Variants in PDGFD observed in about 807,000 individuals in gnomAD.
The protein encoded by PDGFD is platelet derived growth factor D, also known as platelet-derived growth factor D.
A neutral mutation model predicts 44.7 loss-of-function variants in PDGFD; 30 were observed. That is an observed-to-expected ratio of 0.67 (90% CI 0.50 to 0.91). PDGFD has a LOEUF of 0.91. Ranked by LOEUF, PDGFD falls within the 40% of genes least tolerant of loss-of-function variation. PDGFD has a pLI of 0.00. For synonymous variants in PDGFD, 173 were observed against 168.4 expected, an observed-to-expected ratio of 1.03 and a Z score of -0.21; for missense variants, 445 against 457.8, an observed-to-expected ratio of 0.97 and a Z score of 0.25.
At chr11:103,923,400 C>T (rs532223401) in intron 6 of PDGFD, among the ~76,000 whole-genome samples, 1 of 152,288 alleles carries the variant, frequency 6.6e-6, no homozygotes, top group Admixed American at 6.5e-5. Context: ...AGAAGCTTTC[C>T]AGTTTCCCAG....
intron 1 of PDGFD, among the ~76,000 whole-genome samples, chr11:104,101,934 G>A (rs1861388964): frequency 6.6e-6 from 1 of 151,930 alleles, no homozygotes; most frequent in East Asian, 1.9e-4. Flanking sequence ...ATTCAAGATG[G>A]ATTAAAGACT....
At chr11:104,076,996 T>C (rs1229222830) in intron 1 of PDGFD, among the ~76,000 whole-genome samples, 1 of 152,174 alleles carries the variant, frequency 6.6e-6, no homozygotes, top group Non-Finnish European at 1.5e-5. Context: ...ACATACAATA[T>C]ATGTGTTAAT....
At chr11:104,115,884 G>A (rs1861629341) in intron 1 of PDGFD, among the ~76,000 whole-genome samples, 1 of 151,808 alleles carries the variant, frequency 6.6e-6, no homozygotes, top group African/African-American at 2.4e-5. Flanking sequence ...TGATGGGATT[G>A]TTGGTTTTTT....
rs186321363 is a variant in PDGFD, at chr11:103,918,627, G to A, written c.987+8285C>T. Among the ~76,000 whole-genome samples, 88 of 152,230 alleles carry A rather than the reference G, an allele frequency of 5.8e-4. 2 individuals carry two copies. Among genetic ancestry groups the A allele is most frequent in the Non-Finnish European group, 3.5e-4 (24 of 68,016 alleles). On this transcript the variant is annotated intron_variant, in intron 6 of 6. Transcript: ENST00000393158. ...TTCTCTGTGTTTTATATTAAGCAAC[G>A]TGAGCACGGTATATATGTGTTTTGC... is the stretch of plus-strand genomic sequence containing the variant.
At chr11:104,019,289 A>G (rs1169478850) in intron 1 of PDGFD, among the ~76,000 whole-genome samples, 1 of 152,196 alleles carries the variant, frequency 6.6e-6, no homozygotes, top group Non-Finnish European at 1.5e-5. Context: ...GAATAAATTC[A>G]TCCTTGAATC....
intron 1 of PDGFD, 103 bp downstream of exon 1, chr11:104,163,701 T>G: frequency 7.5e-7 from 1 of 1,335,046 alleles, no homozygotes; most frequent in Non-Finnish European, 1.0e-6. Context: ...TCAGCCCGAG[T>G]TCACATTCAA....
chr11:104,017,012 G>A lies in PDGFD; in HGVS notation c.125-16757C>T, dbSNP rs75184420. On this transcript the variant is annotated intron_variant, in intron 1 of 6. Transcript: ENST00000393158. The stretch of plus-strand genomic sequence containing the variant: ...TGAAATTCTAACCCTCGAGGTGATG[G>A]TATTAGGAGGTGAGGCCTTTTGGGA... 0.021 allele frequency among the ~76,000 whole-genome samples: 3,235 copies of A among 152,242 alleles called. 198 individuals are homozygous for A. In the East Asian group the frequency reaches 0.26, roughly 12 times the overall value.
intron 1 of PDGFD, among the ~76,000 whole-genome samples, chr11:104,087,209 T>TTC (rs1004287150): frequency 1.0e-4 from 15 of 149,656 alleles, no homozygotes; most frequent in African/African-American, 2.7e-4. Flanking sequence ...TTTTTTTTTT[T>TTC]TTTGAGACAG....
At chr11:103,962,176 T>C (rs541814859) in intron 3 of PDGFD, among the ~76,000 whole-genome samples, 1 of 152,270 alleles carries the variant, frequency 6.6e-6, no homozygotes, top group East Asian at 1.9e-4. Context: ...TAAGGCAATC[T>C]TAGAATTAGG....
chr11:104,107,566 T>C (rs887336850), intron 1 of PDGFD, among the ~76,000 whole-genome samples: 2 of 152,188 alleles, frequency 1.3e-5, no homozygotes, highest in Non-Finnish European at 2.9e-5. Flanking sequence ...TTAATATTTA[T>C]TAAAAACAGT....
intron 3 of PDGFD, among the ~76,000 whole-genome samples, chr11:103,992,397 A>C (rs1190370131): frequency 6.6e-6 from 1 of 152,210 alleles, no homozygotes; most frequent in Non-Finnish European, 1.5e-5. Flanking sequence ...AGGTAGAATT[A>C]TTGTCATCAT....
At chr11:103,996,552 T>A (rs974480684) in intron 2 of PDGFD, among the ~76,000 whole-genome samples, 3 of 152,234 alleles carry the variant, frequency 2.0e-5, no homozygotes, top group Admixed American at 2.0e-4. Context: ...GAAAAACTAA[T>A]ATCTGTAATT....
chr11:104,012,899 G>T (rs1457862792), intron 1 of PDGFD, among the ~76,000 whole-genome samples: 3 of 152,172 alleles, frequency 2.0e-5, no homozygotes, highest in Non-Finnish European at 4.4e-5. Flanking sequence ...GGAAATACTG[G>T]GTAGAAGAGC....
intron 6 of PDGFD, among the ~76,000 whole-genome samples, chr11:103,919,806 G>C (rs1222112251): frequency 6.6e-6 from 1 of 151,552 alleles, no homozygotes; most frequent in Non-Finnish European, 1.5e-5. Flanking sequence ...ACTGCGCCCG[G>C]TCTCTTCCTA....
chr11:104,092,074 CT>C (rs140034195), intron 1 of PDGFD, among the ~76,000 whole-genome samples: 8,134 of 152,124 alleles, frequency 0.053, 235 homozygotes, highest in African/African-American at 0.072. Context: ...GAAACTAAAG[CT>C]TTGAGAAAAA....
chr11:104,050,289 T>C (rs1860511583), intron 1 of PDGFD, among the ~76,000 whole-genome samples: 1 of 152,120 alleles, frequency 6.6e-6, no homozygotes, highest in Non-Finnish European at 1.5e-5. Context: ...GACCAGACTG[T>C]TCTGCTCTAT....
intron 4 of PDGFD, among the ~76,000 whole-genome samples, chr11:103,944,677 C>A (rs1194598735): frequency 6.6e-6 from 1 of 152,170 alleles, no homozygotes; most frequent in Non-Finnish European, 1.5e-5. Flanking sequence ...GCTATTGAGT[C>A]CCAGACAGCC....
chr11:104,036,771 G>C lies in PDGFD; in HGVS notation c.125-36516C>G. 4 of 1,464,564 alleles carry C rather than the reference G, an allele frequency of 2.7e-6. 1 individual carries two copies. In the South Asian group the frequency reaches 3.6e-5, roughly 13 times the overall value. The allele number at this position is 1,464,564 out of a possible 1,614,324, so 90.7% of individuals were successfully genotyped here. A position where few individuals can be genotyped will look rare whatever the true frequency, so the allele number is the denominator to read the frequency against. Reference sequence around the variant, plus strand: ...CAACGACGCAGGCCCGCCCCAGCCCGCCAGTGAGCCGCCCATGCCCTCTGC... The same window carrying C: ...CAACGACGCAGGCCCGCCCCAGCCCCCCAGTGAGCCGCCCATGCCCTCTGC... On this transcript the variant is annotated intron_variant, in intron 1 of 6. Coordinates refer to ENST00000393158, the MANE Select transcript of PDGFD (RefSeq NM_025208.5).
At chr11:103,941,865 T>C (rs1027529506) in intron 5 of PDGFD, among the ~76,000 whole-genome samples, 23 of 152,146 alleles carry the variant, frequency 1.5e-4, no homozygotes, top group African/African-American at 5.3e-4. Context: ...CCTCTGGGGT[T>C]TTCAAAATAT....
Sources: allele counts gnomAD v4.1 joint callset (sites outside exome capture counted in the v4.1 genomes callset), GRCh38; gene constraint gnomAD v4.1.1; transcripts MANE v1.5; gene names NCBI Gene and HGNC (gene_info 2026-07-23, HGNC 2026-07-21).